Variants in ZC3H12B observed in about 807,000 individuals in gnomAD.
ZC3H12B encodes zinc finger CCCH-type containing 12B, also known as probable ribonuclease ZC3H12B.
A neutral mutation model predicts 43.9 loss-of-function variants in ZC3H12B; 7 were observed. The ratio of observed to expected loss-of-function variants is 0.16; its 90% confidence interval spans 0.09 to 0.30. ZC3H12B has a LOEUF of 0.30. Ranked by LOEUF, ZC3H12B falls within the 10% of genes least tolerant of loss-of-function variation. ZC3H12B has a pLI of 1.00. For synonymous variants in ZC3H12B, 222 were observed against 241.7 expected (o/e 0.92, Z 0.76); for missense variants, 475 against 670.2 (o/e 0.71, Z 3.22).
At chrX:65,221,862 T>C in the ZC3H12B span, among the ~76,000 whole-genome samples, 1 of 110,310 alleles carries the variant, frequency 9.1e-6, no homozygotes, top group Non-Finnish European at 1.9e-5. Flanking sequence ...AGTATCACCC[T>C]GATACCAAAA....
the ZC3H12B span, among the ~76,000 whole-genome samples, chrX:65,263,913 G>C: frequency 9.0e-6 from 1 of 111,279 alleles, no homozygotes; most frequent in Non-Finnish European, 1.9e-5. Flanking sequence ...ATCAACCTAA[G>C]TGCCCATCAA....
chrX:65,468,963 C>T (rs2067867122), intron 3 of ZC3H12B: 2 of 109,743 alleles, frequency 1.8e-5, no homozygotes, highest in Non-Finnish European at 3.8e-5. Flanking sequence ...GAGGGACCCC[C>T]AATACCCCCT....
chrX:65,192,687 A>T, the ZC3H12B span, among the ~76,000 whole-genome samples: 1 of 111,501 alleles, frequency 9.0e-6, no homozygotes, highest in Non-Finnish European at 1.9e-5. Flanking sequence ...CTCCCTCCCT[A>T]GGATAAATCC....
At chrX:65,153,209 C>G in the ZC3H12B span, among the ~76,000 whole-genome samples, 1 of 111,843 alleles carries the variant, frequency 8.9e-6, no homozygotes, top group Non-Finnish European at 1.9e-5. Context: ...AAAGCAATGG[C>G]AACAAAAGCC....
chrX:65,359,127 C>A, the ZC3H12B span, among the ~76,000 whole-genome samples: 1 of 110,443 alleles, frequency 9.1e-6, no homozygotes, highest in South Asian at 3.9e-4. Context: ...GTTTATTGAA[C>A]ATTTTAGGCC....
chrX:65,060,892 C>G, the ZC3H12B span, among the ~76,000 whole-genome samples: 9 of 111,490 alleles, frequency 8.1e-5, no homozygotes, highest in Non-Finnish European at 1.5e-4. Context: ...GCCATCAGGT[C>G]CCAGGAATTT....
intron 2 of ZC3H12B, among the ~76,000 whole-genome samples, chrX:65,377,685 G>T (rs2066365825): frequency 9.0e-6 from 1 of 111,377 alleles, no homozygotes. Context: ...ACATAATGAA[G>T]AAATAAAGAT....
chrX:65,391,873 C>T (rs1442280000), intron 2 of ZC3H12B, among the ~76,000 whole-genome samples: 4 of 111,275 alleles, frequency 3.6e-5, no homozygotes, highest in Admixed American at 1.9e-4. Flanking sequence ...CTGCCTGATT[C>T]TCCTGCCTCA....
chrX:65,459,111 G>T (rs1187672717), intron 3 of ZC3H12B, among the ~76,000 whole-genome samples: 1 of 112,111 alleles, frequency 8.9e-6, no homozygotes, highest in Non-Finnish European at 1.9e-5. Flanking sequence ...AAATCTAGAA[G>T]AAATGGATAA....
intron 3 of ZC3H12B, among the ~76,000 whole-genome samples, chrX:65,405,634 T>A (rs943387640): frequency 9.1e-6 from 1 of 110,397 alleles, no homozygotes; most frequent in African/African-American, 3.3e-5. Context: ...ATAATAATAA[T>A]AATAAAATAA....
chrX:65,166,194 C>T, the ZC3H12B span, among the ~76,000 whole-genome samples: 2 of 110,816 alleles, frequency 1.8e-5, no homozygotes, highest in East Asian at 2.8e-4. Flanking sequence ...ATCCCTCCCC[C>T]TCTTCCCACC....
At chrX:65,078,433 G>A in the ZC3H12B span, among the ~76,000 whole-genome samples, 2 of 112,120 alleles carry the variant, frequency 1.8e-5, no homozygotes, top group African/African-American at 6.5e-5. Flanking sequence ...ATGAGAATGA[G>A]TAGCTAGTAA....
intron 3 of ZC3H12B, among the ~76,000 whole-genome samples, chrX:65,416,827 C>G (rs2066968369): frequency 9.1e-6 from 1 of 110,177 alleles, no homozygotes; most frequent in Admixed American, 9.7e-5. Flanking sequence ...CCACTCCAGA[C>G]TTACTGAATC....
the ZC3H12B span, among the ~76,000 whole-genome samples, chrX:65,035,767 C>G: frequency 4.5e-4 from 50 of 111,060 alleles, 1 homozygote; most frequent in Admixed American, 9.6e-4. Context: ...TAAGACCTCC[C>G]GAAAGCCTTG....
chrX:65,459,900 A>G (rs1477918346), intron 3 of ZC3H12B, among the ~76,000 whole-genome samples: 1 of 111,611 alleles, frequency 9.0e-6, no homozygotes, highest in Non-Finnish European at 1.9e-5. Context: ...TTCAATTAGG[A>G]AAAGAGGAAG....
chrX:65,211,846 T>G, the ZC3H12B span, among the ~76,000 whole-genome samples: 1 of 79,826 alleles, frequency 1.3e-5, no homozygotes, highest in Non-Finnish European at 2.2e-5. Context: ...TAATATATAA[T>G]ATATGTTATG....
chrX:65,249,174 G>C, the ZC3H12B span, among the ~76,000 whole-genome samples: 1 of 111,137 alleles, frequency 9.0e-6, no homozygotes, highest in Admixed American at 9.5e-5. Context: ...ATCTAGAAGG[G>C]GTTTTTCAAT....
At chrX:65,457,433 G>A (rs2067642820) in intron 3 of ZC3H12B, among the ~76,000 whole-genome samples, 2 of 80,230 alleles carry the variant, frequency 2.5e-5, no homozygotes, top group Non-Finnish European at 4.5e-5. Context: ...CCCCGTCCGG[G>A]AGGGTGGTGG....
chrX:65,169,434 G>A, the ZC3H12B span, among the ~76,000 whole-genome samples: 1 of 111,907 alleles, frequency 8.9e-6, no homozygotes, highest in Non-Finnish European at 1.9e-5. Flanking sequence ...TACATTTGCT[G>A]AGGAGTGCTT....
Sources: allele counts gnomAD v4.1 joint callset (sites outside exome capture counted in the v4.1 genomes callset), GRCh38; gene constraint gnomAD v4.1.1; transcripts MANE v1.5; gene names NCBI Gene and HGNC (gene_info 2026-07-23, HGNC 2026-07-21).